PRELID2: variants seen among roughly 807,000 people sequenced by gnomAD.
The protein encoded by PRELID2 is PRELI domain containing 2.
Under a neutral mutation model 28.4 loss-of-function variants are expected in PRELID2, and 25 were observed. That is an observed-to-expected ratio of 0.88 (90% CI 0.64 to 1.23). The LOEUF (loss-of-function observed/expected upper bound fraction) is 1.23, where lower values mean the gene tolerates loss of function less well. Among genes scored for constraint, PRELID2 ranks in the 50% most tolerant of loss-of-function variants. The pLI is 0.00. For synonymous variants in PRELID2, 76 were observed against 71.6 expected (o/e 1.06, Z -0.31); for missense variants, 201 against 214.4 (o/e 0.94, Z 0.39).
intron 1 of PRELID2, among the ~76,000 whole-genome samples, chr5:145,511,450 A>T (rs1305288188): frequency 1.3e-5 from 2 of 152,244 alleles, no homozygotes; most frequent in African/African-American, 4.8e-5. Context: ...CGTGACTGAA[A>T]AGCTAATGTA....
At chr5:145,571,332 G>A (rs944453828) in intron 1 of PRELID2, among the ~76,000 whole-genome samples, 2 of 152,166 alleles carry the variant, frequency 1.3e-5, no homozygotes, top group African/African-American at 4.8e-5. Context: ...AGGACAGGAA[G>A]TGGGGGGCCA....
At chr5:145,734,211 G>C (rs1413945441) in intron 1 of PRELID2, among the ~76,000 whole-genome samples, 1 of 152,068 alleles carries the variant, frequency 6.6e-6, no homozygotes, top group Non-Finnish European at 1.5e-5. Flanking sequence ...GAACTCCTAG[G>C]CTGAAGCAAT....
chr5:145,384,546 G>A, the PRELID2 span, among the ~76,000 whole-genome samples: 3 of 152,070 alleles, frequency 2.0e-5, no homozygotes, highest in East Asian at 5.8e-4. Context: ...TAAAATATAA[G>A]AACAGGCAAA....
the PRELID2 span, among the ~76,000 whole-genome samples, chr5:145,388,872 T>A: frequency 6.6e-6 from 1 of 152,188 alleles, no homozygotes; most frequent in Admixed American, 6.5e-5. Flanking sequence ...CAATATCATA[T>A]TTCCCTGTTT....
At chr5:145,392,883 C>A in the PRELID2 span, among the ~76,000 whole-genome samples, 21 of 152,152 alleles carry the variant, frequency 1.4e-4, no homozygotes, top group Admixed American at 1.0e-3. Context: ...TGGCATGAAT[C>A]CACATTGTCC....
At chr5:145,256,833 G>A in the PRELID2 span, among the ~76,000 whole-genome samples, 2 of 151,994 alleles carry the variant, frequency 1.3e-5, no homozygotes, top group South Asian at 4.1e-4. Flanking sequence ...CAATGTAAAC[G>A]TATATTTAGA....
At chr5:145,653,938 C>CA (rs1307908715) in intron 1 of PRELID2, among the ~76,000 whole-genome samples, 1 of 151,890 alleles carries the variant, frequency 6.6e-6, no homozygotes, top group Non-Finnish European at 1.5e-5. Context: ...AAAAACCCTT[C>CA]AAAAAATCAC....
intron 1 of PRELID2, among the ~76,000 whole-genome samples, chr5:145,500,281 G>A (rs955279318): frequency 5.9e-5 from 9 of 152,058 alleles, no homozygotes; most frequent in African/African-American, 2.2e-4. Flanking sequence ...GTTTAAAAGT[G>A]TGTAGCACCT....
intron 5 of PRELID2, among the ~76,000 whole-genome samples, chr5:145,772,365 AC>A (rs1384940514): frequency 6.6e-6 from 1 of 152,088 alleles, no homozygotes; most frequent in Non-Finnish European, 1.5e-5. Flanking sequence ...AAAAGTGAAA[AC>A]CCCCGACACA....
the PRELID2 span, among the ~76,000 whole-genome samples, chr5:145,271,246 T>TA: frequency 1.8e-4 from 27 of 151,888 alleles, no homozygotes; most frequent in African/African-American, 4.8e-4. Flanking sequence ...CTTATATATA[T>TA]TTTTTTTGAG....
the PRELID2 span, among the ~76,000 whole-genome samples, chr5:145,399,820 T>C: frequency 2.3e-4 from 35 of 152,240 alleles, 1 homozygote; most frequent in African/African-American, 8.2e-4. Context: ...ACATCTTACG[T>C]AGATGGTGGC....
At chr5:145,578,606 C>T (rs1001882781) in intron 1 of PRELID2, among the ~76,000 whole-genome samples, 18 of 152,076 alleles carry the variant, frequency 1.2e-4, no homozygotes, top group Admixed American at 9.8e-4. Flanking sequence ...TGAGAATGTC[C>T]TGCTGTTAAA....
the PRELID2 span, among the ~76,000 whole-genome samples, chr5:145,322,425 T>C: frequency 6.6e-6 from 1 of 152,172 alleles, no homozygotes; most frequent in African/African-American, 2.4e-5. Flanking sequence ...CATAAAGCCC[T>C]CGTGGCTAAA....
intron 1 of PRELID2, among the ~76,000 whole-genome samples, chr5:145,570,325 C>T (rs947462392): frequency 6.6e-6 from 1 of 152,078 alleles, no homozygotes; most frequent in African/African-American, 2.4e-5. Context: ...TCCACTATGA[C>T]GTGAATACAA....
the PRELID2 span, among the ~76,000 whole-genome samples, chr5:145,349,714 G>A: frequency 6.6e-6 from 1 of 151,916 alleles, no homozygotes; most frequent in Admixed American, 6.6e-5. Flanking sequence ...TAAAATCCAT[G>A]GGACCTATAG....
At chr5:145,358,289 C>T in the PRELID2 span, among the ~76,000 whole-genome samples, 3 of 151,980 alleles carry the variant, frequency 2.0e-5, no homozygotes, top group Non-Finnish European at 4.4e-5. Context: ...AGTTGTTCAC[C>T]TTGTCCTCTG....
intron 1 of PRELID2, among the ~76,000 whole-genome samples, chr5:145,591,345 A>G (rs1327438633): frequency 6.6e-6 from 1 of 152,116 alleles, no homozygotes; most frequent in Non-Finnish European, 1.5e-5. Context: ...ATAACATCAC[A>G]TTGAGCACTG....
chr5:145,620,494 G>A (rs913162978), intron 1 of PRELID2, among the ~76,000 whole-genome samples: 3 of 152,122 alleles, frequency 2.0e-5, no homozygotes, highest in Admixed American at 6.5e-5. Flanking sequence ...CGCATGTGAG[G>A]GAGCACTAGG....
rs1210375038 is a variant in PRELID2 at position 145,735,075 on chromosome 5, T to A, written n.70+29856A>T. 2.0e-4 allele frequency among the ~76,000 whole-genome samples: 22 copies of A among 109,898 alleles called. No individual in the cohort carries two copies. The Admixed American group carries it at 2.3e-3, about 12-fold the overall frequency. The allele number at this position is 109,898 out of a possible 152,430, so 72.1% of individuals were successfully genotyped here. On this transcript the variant is annotated intron_variant and non_coding_transcript_variant, in intron 1 of 2. Transcript: ENST00000510259. Reference sequence around the variant, plus strand: ...GCCTGGCCAACATGATGAAACCCCATCTCTACTAAAAATACAAAAATTAGC... The same window carrying A: ...GCCTGGCCAACATGATGAAACCCCAACTCTACTAAAAATACAAAAATTAGC...
Sources: gnomAD v4.1 joint callset for allele counts (sites outside exome capture counted in the v4.1 genomes callset) on GRCh38, gnomAD v4.1.1 for gene constraint, MANE v1.5 for transcripts, NCBI Gene and HGNC (gene_info 2026-07-23, HGNC 2026-07-21) for gene names.